Variants in THSD7A observed in about 807,000 individuals in gnomAD.
THSD7A encodes thrombospondin type 1 domain containing 7A, also known as thrombospondin type-1 domain-containing protein 7A.
Under a neutral mutation model 231.3 loss-of-function variants are expected in THSD7A, and 96 were observed. That is an observed-to-expected ratio of 0.41 (90% CI 0.35 to 0.49). The LOEUF (loss-of-function observed/expected upper bound fraction) is 0.49, where lower values mean the gene tolerates loss of function less well. Ranked by LOEUF, THSD7A falls within the 20% of genes least tolerant of loss-of-function variation. The probability of loss-of-function intolerance (pLI) is 0.05; values close to 1 mark genes in which losing one functional copy is unlikely to be tolerated. For synonymous variants in THSD7A, 940 were observed against 743.3 expected, an observed-to-expected ratio of 1.26 and a Z score of -4.30; for missense variants, 2,290 against 2,070.2, an observed-to-expected ratio of 1.11 and a Z score of -2.06.
intron 6 of THSD7A, among the ~76,000 whole-genome samples, chr7:11,508,247 C>T (rs556613952): frequency 5.3e-5 from 8 of 152,134 alleles, no homozygotes; most frequent in African/African-American, 1.9e-4. Flanking sequence ...AACTGCATTA[C>T]AAAGTAGATT....
At chr7:11,388,267 T>C (rs112513838) in intron 23 of THSD7A, among the ~76,000 whole-genome samples, 3,440 of 152,216 alleles carry the variant, frequency 0.023, 104 homozygotes, top group Non-Finnish European at 0.026. Flanking sequence ...TCAGAAGGAA[T>C]GGTACCAGCT....
chr7:11,518,918 CTATT>C (rs776056445), intron 6 of THSD7A, among the ~76,000 whole-genome samples: 5 of 152,080 alleles, frequency 3.3e-5, no homozygotes, highest in Non-Finnish European at 2.9e-5. Context: ...TTCATTTTCA[CTATT>C]TATTAATATA....
chr7:11,784,914 C>A (rs1162130570), intron 1 of THSD7A, among the ~76,000 whole-genome samples: 2 of 152,152 alleles, frequency 1.3e-5, no homozygotes, highest in African/African-American at 4.8e-5. Context: ...TGTGGGACAA[C>A]TGTAAATTAA....
rs1782013253 is a variant in THSD7A, at chr7:11,370,566, C to G, written c.*5228G>C. 6.6e-6 allele frequency: 1 copy of G among 152,076 alleles called. No individual in the cohort carries two copies. The highest frequency in any genetic ancestry group is 1.5e-5 in the Non-Finnish European group (1 of 68,008). The allele number at this position is 152,076 out of a possible 1,614,324, so 9.4% of individuals were successfully genotyped here. A position where few individuals can be genotyped will look rare whatever the true frequency, so the allele number is the denominator to read the frequency against. On this transcript the variant is annotated 3_prime_UTR_variant, in exon 28 of 28. Transcript: ENST00000423059. ...GTATTGACTGAATAAAGCTTAGTGA[C>G]ATTATTTGCAAATCTGTAGTTAATT...
At chr7:11,732,866 T>C (rs1562513864) in intron 1 of THSD7A, among the ~76,000 whole-genome samples, 1 of 151,824 alleles carries the variant, frequency 6.6e-6, no homozygotes, top group Non-Finnish European at 1.5e-5. Context: ...AAAAATGCTT[T>C]CAAACAATGC....
intron 13 of THSD7A, among the ~76,000 whole-genome samples, chr7:11,445,570 C>T (rs1412318355): frequency 1.3e-5 from 2 of 151,456 alleles, no homozygotes; most frequent in African/African-American, 2.4e-5. Flanking sequence ...AGAGAATAAA[C>T]GTTTGAGTTT....
intron 2 of THSD7A, among the ~76,000 whole-genome samples, chr7:11,618,347 A>G (rs1781179604): frequency 6.6e-6 from 1 of 152,224 alleles, no homozygotes; most frequent in Non-Finnish European, 1.5e-5. Context: ...CGTAAGATGT[A>G]TATTTTATAT....
At chr7:11,804,804 G>T (rs1038292398) in intron 1 of THSD7A, among the ~76,000 whole-genome samples, 5 of 152,092 alleles carry the variant, frequency 3.3e-5, no homozygotes, top group Non-Finnish European at 5.9e-5. Flanking sequence ...GTACTGTTCA[G>T]TCCTCACATC....
intron 6 of THSD7A, among the ~76,000 whole-genome samples, chr7:11,533,815 C>T (rs989094298): frequency 6.6e-6 from 1 of 152,104 alleles, no homozygotes; most frequent in Non-Finnish European, 1.5e-5. Context: ...TTGACAAGTG[C>T]AGCAAACCAC....
rs1157007275 is a variant in THSD7A at position 11,553,134 on chromosome 7, A to G, written c.1454-10017T>C. Among the ~76,000 whole-genome samples the G allele has an allele frequency of 2.0e-5, 3 of 152,210 alleles. No individual in the cohort carries two copies. The East Asian group carries it at 5.8e-4, about 29-fold the overall frequency. ...AGCTGCTTCAGTATTGCTGAAACAAAGCCTTCTTGAGGTTTGCTCAGCTGC... is the reference window on the plus strand; with the variant it reads ...AGCTGCTTCAGTATTGCTGAAACAAGGCCTTCTTGAGGTTTGCTCAGCTGC... On this transcript the variant is annotated intron_variant, in intron 4 of 27. Coordinates refer to ENST00000423059, the MANE Select transcript of THSD7A (RefSeq NM_015204.3).
At chr7:11,781,285 AT>A (rs757174166) in intron 1 of THSD7A, among the ~76,000 whole-genome samples, 1,804 of 136,520 alleles carry the variant, frequency 0.013, 17 homozygotes, top group African/African-American at 0.021. Flanking sequence ...GTCTCTGCAC[AT>A]TTTTTTTTTT....
At chr7:11,795,220 C>A (rs1195230003) in intron 1 of THSD7A, among the ~76,000 whole-genome samples, 2 of 151,910 alleles carry the variant, frequency 1.3e-5, no homozygotes, top group African/African-American at 4.8e-5. Context: ...TAAAAACATA[C>A]ATTTGTACAC....
intron 6 of THSD7A, among the ~76,000 whole-genome samples, chr7:11,495,059 A>G (rs1436484840): frequency 6.6e-6 from 1 of 151,968 alleles, no homozygotes; most frequent in African/African-American, 2.4e-5. Flanking sequence ...ATTGTTTTTG[A>G]CATTTCAGTA....
chr7:11,563,449 T>C (rs1262563473), intron 4 of THSD7A, among the ~76,000 whole-genome samples: 1 of 152,192 alleles, frequency 6.6e-6, no homozygotes, highest in East Asian at 1.9e-4. Flanking sequence ...AACCTCCGCC[T>C]CTTGGGTTCA....
At chr7:11,678,368 G>A (rs1302725948) in intron 1 of THSD7A, among the ~76,000 whole-genome samples, 1 of 152,022 alleles carries the variant, frequency 6.6e-6, no homozygotes, top group Non-Finnish European at 1.5e-5. Flanking sequence ...AGGAGATAGA[G>A]ACACAAAAAA....
chr7:11,459,512 T>C (rs974894084), intron 11 of THSD7A, among the ~76,000 whole-genome samples: 2 of 152,058 alleles, frequency 1.3e-5, no homozygotes, highest in Non-Finnish European at 2.9e-5. Context: ...AGTTATGTTT[T>C]ACCCAAAGTT....
chr7:11,692,216 G>A (rs983132932), intron 1 of THSD7A, among the ~76,000 whole-genome samples: 1 of 151,532 alleles, frequency 6.6e-6, no homozygotes, highest in African/African-American at 2.4e-5. Context: ...AAACATTCAG[G>A]TATTTGGATT....
chr7:11,716,164 T>G (rs868571622), intron 1 of THSD7A, among the ~76,000 whole-genome samples: 1 of 151,532 alleles, frequency 6.6e-6, no homozygotes, highest in Non-Finnish European at 1.5e-5. Context: ...CCTAAAATTC[T>G]TGCTGTCTTA....
At chr7:11,490,303 T>C (rs1037162452) in intron 6 of THSD7A, among the ~76,000 whole-genome samples, 4 of 152,098 alleles carry the variant, frequency 2.6e-5, no homozygotes, top group African/African-American at 9.7e-5. Flanking sequence ...CTAAATCCAA[T>C]CATAACTTTG....
Sources: allele counts gnomAD v4.1 joint callset (sites outside exome capture counted in the v4.1 genomes callset), GRCh38; gene constraint gnomAD v4.1.1; transcripts MANE v1.5; gene names NCBI Gene and HGNC (gene_info 2026-07-23, HGNC 2026-07-21).